The following TAFA1 variants were observed in gnomAD, a reference collection of about 807,000 sequenced individuals.
The protein encoded by TAFA1 is TAFA chemokine like family member 1, also known as chemokine-like protein TAFA-1.
Under a neutral mutation model 18.5 loss-of-function variants are expected in TAFA1, and 4 were observed. The observed-to-expected ratio is 0.22, with a 90% CI of 0.11 to 0.49. TAFA1 has a LOEUF of 0.49. Ranked by LOEUF, TAFA1 falls within the 20% of genes least tolerant of loss-of-function variation. TAFA1 has a pLI of 0.98. For missense variants in TAFA1, 147 were observed against 169.0 expected, an observed-to-expected ratio of 0.87 and a Z score of 0.72; for synonymous variants, 56 against 55.2, an observed-to-expected ratio of 1.01 and a Z score of -0.06.
intron 2 of TAFA1, among the ~76,000 whole-genome samples, chr3:68,217,067 T>C (rs2066668918): frequency 6.6e-6 from 1 of 152,008 alleles, no homozygotes. Flanking sequence ...TTCTGAAGTG[T>C]AAAGGATGGA....
At chr3:68,178,038 G>A (rs974067330) in intron 2 of TAFA1, among the ~76,000 whole-genome samples, 4 of 152,032 alleles carry the variant, frequency 2.6e-5, no homozygotes, top group Admixed American at 1.3e-4. Flanking sequence ...CAGCTACTCG[G>A]GAGGCTGAGG....
rs374167026 is a variant in TAFA1 at position 68,131,777 on chromosome 3, G to A, written c.118+125033G>A. 1.6e-4 allele frequency among the ~76,000 whole-genome samples: 25 copies of A among 152,264 alleles called. No homozygotes were observed. In the East Asian group the frequency reaches 3.5e-3, roughly 21 times the overall value. ...CCCAAGAGCCTCGCTGGGAATCCTG[G>A]CTCTGCCATTTAGCAGACGTAGAAT... On this transcript the variant is annotated intron_variant, in intron 2 of 4. Transcript: ENST00000478136.
At chr3:68,454,455 A>T (rs901570332) in intron 3 of TAFA1, among the ~76,000 whole-genome samples, 4 of 152,174 alleles carry the variant, frequency 2.6e-5, no homozygotes, top group Non-Finnish European at 1.5e-5. Context: ...TTGGAAGCCC[A>T]TATCTATAGT....
intron 3 of TAFA1, among the ~76,000 whole-genome samples, chr3:68,464,214 A>T (rs2071839173): frequency 6.6e-6 from 1 of 152,208 alleles, no homozygotes; most frequent in South Asian, 2.1e-4. Context: ...CAAAGAAAAC[A>T]GACAAAACCC....
chr3:68,032,419 A>C (rs1163659331), intron 2 of TAFA1, among the ~76,000 whole-genome samples: 1 of 152,136 alleles, frequency 6.6e-6, no homozygotes, highest in Non-Finnish European at 1.5e-5. Flanking sequence ...CCCAGAGCTC[A>C]TTTCAACTCA....
At position 68,184,676 on chromosome 3, in the gene TAFA1, A is replaced by G. The variant is rs138168017; in HGVS notation, c.118+177932A>G. ...TAACAAAAACAGGTGTTGAACGAAT[A>G]TTAGGTTTGATTAAATGAGCAAAGG... On this transcript the variant is annotated intron_variant, in intron 2 of 4. Transcript: ENST00000478136. 4.2e-3 allele frequency among the ~76,000 whole-genome samples: 637 copies of G among 152,240 alleles called. 1 individual carries two copies. The highest frequency in any genetic ancestry group is 6.8e-3 in the Non-Finnish European group (460 of 68,002).
intron 2 of TAFA1, among the ~76,000 whole-genome samples, chr3:68,265,397 G>A (rs2067522805): frequency 6.6e-6 from 1 of 152,094 alleles, no homozygotes; most frequent in African/African-American, 2.4e-5. Context: ...CATCATCAGG[G>A]TCACCTCATT....
intron 2 of TAFA1, among the ~76,000 whole-genome samples, chr3:68,356,847 A>G (rs1275324262): frequency 1.3e-5 from 2 of 151,938 alleles, no homozygotes; most frequent in Non-Finnish European, 2.9e-5. Flanking sequence ...TTTAATCCTT[A>G]TAGGTACTAT....
intron 3 of TAFA1, among the ~76,000 whole-genome samples, chr3:68,439,497 A>G (rs1006124215): frequency 6.8e-6 from 1 of 147,832 alleles, no homozygotes. Flanking sequence ...ACAACAGGCC[A>G]TCTGCAGGCC....
At chr3:68,242,904 T>C (rs1010551132) in intron 2 of TAFA1, among the ~76,000 whole-genome samples, 4 of 152,108 alleles carry the variant, frequency 2.6e-5, no homozygotes, top group South Asian at 4.1e-4. Flanking sequence ...TTTAAGTTGA[T>C]ATTTATCCTC....
intron 2 of TAFA1, among the ~76,000 whole-genome samples, chr3:68,356,449 A>C (rs1049398136): frequency 1.3e-5 from 2 of 152,010 alleles, no homozygotes; most frequent in Middle Eastern, 3.4e-3. Context: ...TGTAGAGTCA[A>C]CAATCTCAGG....
At chr3:68,423,574 C>T (rs1248081426) in intron 3 of TAFA1, among the ~76,000 whole-genome samples, 4 of 152,062 alleles carry the variant, frequency 2.6e-5, no homozygotes, top group Admixed American at 2.6e-4. Context: ...GCAATACCTG[C>T]CCCTTTTTTT....
At chr3:68,007,329 G>C (rs920234273) in intron 2 of TAFA1, among the ~76,000 whole-genome samples, 6 of 151,852 alleles carry the variant, frequency 4.0e-5, no homozygotes, top group African/African-American at 1.2e-4. Context: ...TTTTTGTTTT[G>C]TTTTGTTTTG....
At chr3:68,544,456 C>T (rs959654779) in intron 4 of TAFA1, 30 bp from the exon 5 acceptor site, 2 of 1,610,894 alleles carry the variant, frequency 1.2e-6, no homozygotes, top group Admixed American at 1.7e-5. Context: ...CACTGTTCTC[C>T]CTGAAATGTC....
At chr3:68,466,541 C>G (rs991410952) in intron 3 of TAFA1, among the ~76,000 whole-genome samples, 2 of 152,172 alleles carry the variant, frequency 1.3e-5, no homozygotes, top group Admixed American at 1.3e-4. Flanking sequence ...CCTTGAAGTA[C>G]TCGGTCCTGT....
At chr3:68,389,631 G>C (rs1051692236) in intron 2 of TAFA1, among the ~76,000 whole-genome samples, 1 of 152,120 alleles carries the variant, frequency 6.6e-6, no homozygotes, top group East Asian at 1.9e-4. Flanking sequence ...CAGAGAAGGC[G>C]GGTGATTTCT....
the TAFA1 span, among the ~76,000 whole-genome samples, chr3:67,995,530 C>G: frequency 5.9e-5 from 9 of 152,150 alleles, no homozygotes; most frequent in African/African-American, 2.2e-4. Flanking sequence ...CTCTTTTTCT[C>G]TACTCTAAAC....
At chr3:68,136,317 C>T (rs1354611729) in intron 2 of TAFA1, among the ~76,000 whole-genome samples, 4 of 152,106 alleles carry the variant, frequency 2.6e-5, no homozygotes, top group Non-Finnish European at 4.4e-5. Context: ...CATTAGGGTT[C>T]GGTTAAATAT....
chr3:68,372,233 A>T (rs2069721413), intron 2 of TAFA1, among the ~76,000 whole-genome samples: 1 of 152,230 alleles, frequency 6.6e-6, no homozygotes, highest in South Asian at 2.1e-4. Flanking sequence ...CAATAAGGAC[A>T]GTGATGACTA....
Sources: allele counts gnomAD v4.1 joint callset (sites outside exome capture counted in the v4.1 genomes callset), GRCh38; gene constraint gnomAD v4.1.1; transcripts MANE v1.5; gene names NCBI Gene and HGNC (gene_info 2026-07-23, HGNC 2026-07-21).